GALNT14: variants seen among roughly 807,000 people sequenced by gnomAD.
GALNT14 encodes the protein polypeptide N-acetylgalactosaminyltransferase 14.
Under a neutral mutation model 77.5 loss-of-function variants are expected in GALNT14, and 60 were observed. The ratio of observed to expected loss-of-function variants is 0.77; its 90% CI spans 0.63 to 0.96. The LOEUF is 0.96. Among genes scored for constraint, GALNT14 ranks in the 40% least tolerant of loss-of-function variants. The pLI, the probability that GALNT14 is intolerant of heterozygous loss-of-function variation, is 0.00. For missense variants in GALNT14, 710 were observed against 731.0 expected, an observed-to-expected ratio of 0.97 and a Z score of 0.33; for synonymous variants, 280 against 281.7, an observed-to-expected ratio of 0.99 and a Z score of 0.06.
intron 1 of GALNT14, among the ~76,000 whole-genome samples, chr2:31,002,466 T>A (rs1427447996): frequency 1.3e-5 from 2 of 151,634 alleles, no homozygotes; most frequent in Non-Finnish European, 2.9e-5. Context: ...GAGATTCTAA[T>A]CCAAGACTTT....
intron 7 of GALNT14, among the ~76,000 whole-genome samples, 188 bp downstream of exon 7, chr2:30,945,595 C>T (rs1666644147): frequency 6.6e-6 from 1 of 152,200 alleles, no homozygotes; most frequent in South Asian, 2.1e-4. Flanking sequence ...GAGCATCCTG[C>T]CCACCCCCTA....
At chr2:31,054,979 T>G (rs1674117975) in intron 1 of GALNT14, among the ~76,000 whole-genome samples, 2 of 152,196 alleles carry the variant, frequency 1.3e-5, no homozygotes. Flanking sequence ...TAGCTTCCTA[T>G]TTCCTGGGTG....
At chr2:31,125,256 G>A (rs1678649203) in intron 1 of GALNT14, 1 of 1,549,110 alleles carries the variant, frequency 6.5e-7, no homozygotes, top group East Asian at 2.4e-5. Flanking sequence ...GACCAAACCT[G>A]AAAATGCCAC....
the GALNT14 span, among the ~76,000 whole-genome samples, chr2:30,893,236 C>T: frequency 6.6e-6 from 1 of 152,008 alleles, no homozygotes; most frequent in Non-Finnish European, 1.5e-5. Context: ...AACACTGGAA[C>T]ATTTGATCAG....
Position 30,910,668 on chromosome 2 carries a change from G to A in GALNT14, c.*233C>T. ...TACCAATCAGGGAATGACTGGCCAG[G>A]ACTGGAACTTAACGGCCTTGAGAAC... On this transcript the variant is annotated 3_prime_UTR_variant, in exon 15 of 15. Coordinates refer to ENST00000349752, the MANE Select transcript of GALNT14 (RefSeq NM_024572.4). The A allele has an allele frequency of 2.0e-6, 1 of 491,810 alleles. No homozygotes were observed. Among genetic ancestry groups the A allele is most frequent in the Non-Finnish European group, 3.6e-6 (1 of 277,670 alleles). 30.5% of individuals were successfully genotyped at this position (491,810 alleles called of 1,614,324 possible).
intron 2 of GALNT14, among the ~76,000 whole-genome samples, chr2:30,976,604 TGCGTGTGC>T (rs1331298629): frequency 2.0e-4 from 28 of 141,808 alleles, no homozygotes. Flanking sequence ...TGTGTGCATG[TGCGTGTGC>T]GTGTGTGTAT....
Position 30,924,834 on chromosome 2 carries a change from C to T in GALNT14, c.1152-11G>A, listed in dbSNP as rs747999337. 6 of 1,611,792 alleles carry T rather than the reference C, an allele frequency of 3.7e-6. No individual in the cohort carries two copies. Among genetic ancestry groups the T allele is most frequent in the African/African-American group, 1.3e-5 (1 of 74,854 alleles). On this transcript the variant is annotated splice_polypyrimidine_tract_variant and intron_variant, in intron 11 of 14. Transcript: ENST00000349752. ...AATCTGCTCTCAACACTGGGGGCAA[C>T]GGGGTTGTGGACAGACACAAAGACA...
At chr2:31,015,574 G>C (rs1376919736) in intron 1 of GALNT14, among the ~76,000 whole-genome samples, 1 of 152,216 alleles carries the variant, frequency 6.6e-6, no homozygotes, top group Non-Finnish European at 1.5e-5. Flanking sequence ...GTAATTTTAT[G>C]ATGGAGACTG....
At chr2:31,067,159 G>A (rs933603874) in intron 1 of GALNT14, among the ~76,000 whole-genome samples, 11 of 152,090 alleles carry the variant, frequency 7.2e-5, no homozygotes, top group African/African-American at 7.2e-5. Context: ...CAGCCTCCCT[G>A]GCCTTGGTCC....
intron 1 of GALNT14, among the ~76,000 whole-genome samples, chr2:31,068,405 T>A (rs1675121745): frequency 6.6e-6 from 1 of 150,740 alleles, no homozygotes; most frequent in East Asian, 2.0e-4. Flanking sequence ...CAGAATAGCT[T>A]GAACCCAGCA....
At chr2:31,117,730 G>A (rs1380732946) in intron 1 of GALNT14, among the ~76,000 whole-genome samples, 1 of 152,156 alleles carries the variant, frequency 6.6e-6, no homozygotes, top group Non-Finnish European at 1.5e-5. Flanking sequence ...TAGAAAACGT[G>A]AAAAGACCTG....
chr2:31,066,923 C>T (rs1271904293), intron 1 of GALNT14, among the ~76,000 whole-genome samples: 1 of 152,206 alleles, frequency 6.6e-6, no homozygotes, highest in East Asian at 1.9e-4. Flanking sequence ...AAGGGGCAGG[C>T]TGCTGCACAC....
intron 2 of GALNT14, among the ~76,000 whole-genome samples, chr2:30,979,925 C>A (rs1668881602): frequency 6.6e-6 from 1 of 152,212 alleles, no homozygotes; most frequent in South Asian, 2.1e-4. Context: ...GGCTCTAAAT[C>A]ACTCCCTCTG....
chr2:31,137,675 C>A (rs944811324), intron 1 of GALNT14, among the ~76,000 whole-genome samples: 1 of 152,150 alleles, frequency 6.6e-6, no homozygotes, highest in Non-Finnish European at 1.5e-5. Context: ...CCCCTCCGCC[C>A]CGGGACCCTC....
chr2:31,010,701 T>C (rs1238285386), intron 1 of GALNT14, among the ~76,000 whole-genome samples: 1 of 152,138 alleles, frequency 6.6e-6, no homozygotes, highest in Non-Finnish European at 1.5e-5. Context: ...TCCTCACTCT[T>C]TCCTGTGGCC....
At chr2:31,009,989 G>A (rs534133246) in intron 1 of GALNT14, among the ~76,000 whole-genome samples, 47 of 152,076 alleles carry the variant, frequency 3.1e-4, no homozygotes, top group Non-Finnish European at 4.3e-4. Context: ...ACCTTGTTTT[G>A]TTTTGTTTCG....
chr2:30,994,343 G>C (rs1028387560), intron 1 of GALNT14, among the ~76,000 whole-genome samples: 3 of 152,186 alleles, frequency 2.0e-5, no homozygotes, highest in Non-Finnish European at 4.4e-5. Flanking sequence ...GGGTGGCCCA[G>C]GGCAGGCTCC....
intron 1 of GALNT14, among the ~76,000 whole-genome samples, chr2:31,061,444 C>A (rs1016828096): frequency 2.6e-5 from 4 of 152,168 alleles, no homozygotes; most frequent in Admixed American, 2.6e-4. Context: ...CGATCACTCC[C>A]AAAGACAACT....
intron 10 of GALNT14, among the ~76,000 whole-genome samples, chr2:30,931,113 C>T (rs1665701996): frequency 6.6e-6 from 1 of 152,234 alleles, no homozygotes; most frequent in African/African-American, 2.4e-5. Flanking sequence ...GCTTCCTGGC[C>T]TGCTGATTTT....
Sources: gnomAD v4.1 joint callset for allele counts (sites outside exome capture counted in the v4.1 genomes callset) on GRCh38, gnomAD v4.1.1 for gene constraint, MANE v1.5 for transcripts, NCBI Gene and HGNC (gene_info 2026-07-23, HGNC 2026-07-21) for gene names.